RABGAP1L: variants seen among roughly 807,000 people sequenced by gnomAD.
RABGAP1L encodes the protein RAB GTPase activating protein 1 like, also known as rab GTPase-activating protein 1-like.
RABGAP1L carries 63 observed loss-of-function variants against 137.7 expected under a neutral mutation model. The ratio of observed to expected loss-of-function variants is 0.46; its 90% CI spans 0.37 to 0.56. The LOEUF is 0.56. Among genes scored for constraint, RABGAP1L ranks in the 20% least tolerant of loss-of-function variants. RABGAP1L has a pLI of 0.00. For synonymous variants in RABGAP1L, 431 were observed against 433.7 expected (o/e 0.99, Z 0.08); for missense variants, 1,095 against 1,244.0 (o/e 0.88, Z 1.80).
chr1:174,787,293 C>T (rs1441305861), intron 18 of RABGAP1L, among the ~76,000 whole-genome samples: 4 of 151,424 alleles, frequency 2.6e-5, no homozygotes, highest in Admixed American at 6.6e-5. Context: ...ATCCCAGCTA[C>T]TTGGGAGGCT....
intron 13 of RABGAP1L, among the ~76,000 whole-genome samples, chr1:174,422,202 T>C (rs984500165): frequency 2.0e-5 from 3 of 152,214 alleles, no homozygotes; most frequent in Admixed American, 6.5e-5. Context: ...ATACGCTTAA[T>C]GGCTTTTGAA....
chr1:174,484,490 C>T (rs1320695093), intron 13 of RABGAP1L, among the ~76,000 whole-genome samples: 1 of 152,136 alleles, frequency 6.6e-6, no homozygotes, highest in African/African-American at 2.4e-5. Flanking sequence ...GGCTAATGTC[C>T]TTAAAAGTTT....
intron 19 of RABGAP1L, among the ~76,000 whole-genome samples, chr1:174,863,932 A>T (rs1246873464): frequency 2.6e-5 from 4 of 152,126 alleles, no homozygotes; most frequent in African/African-American, 9.7e-5. Context: ...GTGAGCCAAG[A>T]TCGTGCCACT....
chr1:174,362,713 C>T (rs1684253238), intron 11 of RABGAP1L, among the ~76,000 whole-genome samples: 1 of 152,064 alleles, frequency 6.6e-6, no homozygotes, highest in Non-Finnish European at 1.5e-5. Flanking sequence ...AAATGTTCTC[C>T]CATTCTGTAA....
chr1:174,787,787 A>G (rs941122934), intron 18 of RABGAP1L, among the ~76,000 whole-genome samples: 3 of 152,322 alleles, frequency 2.0e-5, no homozygotes. Context: ...TTAGGATACT[A>G]TTAGAATAGT....
intron 18 of RABGAP1L, among the ~76,000 whole-genome samples, chr1:174,778,186 G>A (rs1255017181): frequency 4.6e-5 from 7 of 152,148 alleles, no homozygotes; most frequent in East Asian, 1.9e-4. Context: ...GATAATATGT[G>A]TAAAGAAACA....
intron 13 of RABGAP1L, among the ~76,000 whole-genome samples, chr1:174,413,796 G>A (rs1004083369): frequency 3.9e-5 from 6 of 152,132 alleles, no homozygotes; most frequent in Non-Finnish European, 7.3e-5. Context: ...GTACAAGCCA[G>A]TAGATGACGC....
chr1:174,738,605 A>G (rs1000698909), intron 17 of RABGAP1L, among the ~76,000 whole-genome samples: 1 of 152,124 alleles, frequency 6.6e-6, no homozygotes, highest in African/African-American at 2.4e-5. Flanking sequence ...GTTATTCTTA[A>G]CTGGTACTCC....
intron 14 of RABGAP1L, among the ~76,000 whole-genome samples, chr1:174,653,035 T>A (rs1403737188): frequency 6.6e-6 from 1 of 152,160 alleles, no homozygotes; most frequent in Non-Finnish European, 1.5e-5. Context: ...GGCTACAGTA[T>A]CTTTTCTGAG....
chr1:174,608,731 G>A (rs2148199292), intron 13 of RABGAP1L, among the ~76,000 whole-genome samples: 1 of 152,214 alleles, frequency 6.6e-6, no homozygotes, highest in South Asian at 2.1e-4. Flanking sequence ...GGATTTGAAT[G>A]GTATATGGGA....
intron 13 of RABGAP1L, among the ~76,000 whole-genome samples, chr1:174,601,942 T>C (rs1014839543): frequency 3.9e-5 from 6 of 152,178 alleles, no homozygotes; most frequent in African/African-American, 1.4e-4. Context: ...GTTCCTCATC[T>C]CTACCTGAGA....
At chr1:174,536,586 T>C (rs1664909316) in intron 13 of RABGAP1L, among the ~76,000 whole-genome samples, 1 of 152,132 alleles carries the variant, frequency 6.6e-6, no homozygotes, top group Admixed American at 6.5e-5. Flanking sequence ...CTTTAACAAA[T>C]ACATAAAAAT....
chr1:174,519,575 A>G (rs984818848), intron 13 of RABGAP1L, among the ~76,000 whole-genome samples: 10 of 152,212 alleles, frequency 6.6e-5, no homozygotes, highest in Non-Finnish European at 1.3e-4. Context: ...CCCAGGATCA[A>G]TACTTTGCAT....
intron 10 of RABGAP1L, among the ~76,000 whole-genome samples, chr1:174,295,121 GT>G (rs1351630154): frequency 6.6e-6 from 1 of 151,474 alleles, no homozygotes; most frequent in Non-Finnish European, 1.5e-5. Flanking sequence ...GTTTCACCGT[GT>G]TAGCCAAGAT....
intron 1 of RABGAP1L, among the ~76,000 whole-genome samples, chr1:174,162,764 TTTTTCTCTTTCTG>T (rs1664580174): frequency 7.0e-6 from 1 of 141,950 alleles, no homozygotes; most frequent in Non-Finnish European, 1.5e-5. Context: ...TTTTTTTTTT[TTTTTCTCTTTCTG>T]TTTTTTTTTT....
intron 14 of RABGAP1L, among the ~76,000 whole-genome samples, chr1:174,665,428 C>CG (rs1676716791): frequency 7.6e-6 from 1 of 131,464 alleles, no homozygotes; most frequent in Non-Finnish European, 1.5e-5. Flanking sequence ...TGCCTCGCCT[C>CG]GCCCCGCCCC....
intron 13 of RABGAP1L, among the ~76,000 whole-genome samples, chr1:174,490,920 CA>C (rs1660159954): frequency 6.6e-6 from 1 of 152,042 alleles, no homozygotes; most frequent in Non-Finnish European, 1.5e-5. Context: ...GCTCTTTAGT[CA>C]GCTTATGGTG....
chr1:174,618,903 A>G (rs931275867), intron 13 of RABGAP1L, among the ~76,000 whole-genome samples: 1 of 152,210 alleles, frequency 6.6e-6, no homozygotes, highest in Non-Finnish European at 1.5e-5. Flanking sequence ...AAAAATTTAG[A>G]CGAATGTATA....
chr1:174,468,956 G>A (rs571141549), intron 13 of RABGAP1L, among the ~76,000 whole-genome samples: 1 of 152,276 alleles, frequency 6.6e-6, no homozygotes, highest in Admixed American at 6.5e-5. Context: ...AATCATTTCA[G>A]AGTTTTGCTT....
Sources: allele counts gnomAD v4.1 joint callset (sites outside exome capture counted in the v4.1 genomes callset), GRCh38; gene constraint gnomAD v4.1.1; transcripts MANE v1.5; gene names NCBI Gene and HGNC (gene_info 2026-07-23, HGNC 2026-07-21).